Variants in AFF3 observed in about 807,000 individuals in gnomAD.
AFF3 encodes ALF transcription elongation factor 3.
AFF3 carries 32 observed loss-of-function variants against 129.7 expected under a neutral mutation model. The ratio of observed to expected loss-of-function variants is 0.25; its 90% CI spans 0.19 to 0.33. The LOEUF (loss-of-function observed/expected upper bound fraction) is 0.33, where lower values mean the gene tolerates loss of function less well. AFF3 is among the 10% of genes least tolerant of loss of function. The probability of loss-of-function intolerance (pLI) is 1.00; values close to 1 mark genes in which losing one functional copy is unlikely to be tolerated. For missense variants in AFF3, 1,373 were observed against 1,592.0 expected, an observed-to-expected ratio of 0.86 and a Z score of 2.34; for synonymous variants, 644 against 635.4, an observed-to-expected ratio of 1.01 and a Z score of -0.20.
chr2:99,606,049 T>A (rs1216452280), intron 13 of AFF3, among the ~76,000 whole-genome samples: 1 of 152,148 alleles, frequency 6.6e-6, no homozygotes, highest in Non-Finnish European at 1.5e-5. Context: ...GTTGTCATGT[T>A]TACATACCAA....
intron 13 of AFF3, among the ~76,000 whole-genome samples, chr2:99,617,193 CT>C (rs1333895838): frequency 6.6e-6 from 1 of 152,190 alleles, no homozygotes; most frequent in Non-Finnish European, 1.5e-5. Context: ...TTGCTGGGTC[CT>C]TTGTTAACTC....
intron 11 of AFF3, among the ~76,000 whole-genome samples, chr2:99,713,994 C>T (rs1172249076): frequency 6.6e-6 from 1 of 152,184 alleles, no homozygotes; most frequent in Non-Finnish European, 1.5e-5. Flanking sequence ...AGCCACCATG[C>T]CCAGCCAGAC....
At chr2:100,059,082 A>C (rs181248782) in intron 4 of AFF3, among the ~76,000 whole-genome samples, 5,356 of 151,856 alleles carry the variant, frequency 0.035, 316 homozygotes, top group African/African-American at 0.12. Flanking sequence ...GTGAAACCCC[A>C]TCTCTATTAA....
At chr2:99,742,136 G>A (rs906277897) in intron 10 of AFF3, among the ~76,000 whole-genome samples, 25 of 152,222 alleles carry the variant, frequency 1.6e-4, no homozygotes, top group African/African-American at 5.3e-4. Flanking sequence ...CAAGAGGACC[G>A]CTTGAGGCCA....
At chr2:100,032,694 C>A (rs1376602414) in intron 4 of AFF3, among the ~76,000 whole-genome samples, 1 of 152,174 alleles carries the variant, frequency 6.6e-6, no homozygotes, top group Non-Finnish European at 1.5e-5. Flanking sequence ...TATTTTCCCA[C>A]TGCTCCGCGG....
At chr2:99,708,667 T>C (rs1197065558) in intron 11 of AFF3, among the ~76,000 whole-genome samples, 1 of 152,186 alleles carries the variant, frequency 6.6e-6, no homozygotes, top group South Asian at 2.1e-4. Flanking sequence ...GAAAACCCAA[T>C]AGAATTCACA....
chr2:99,715,084 T>C (rs1157852369), intron 11 of AFF3, among the ~76,000 whole-genome samples: 7 of 152,214 alleles, frequency 4.6e-5, no homozygotes, highest in African/African-American at 1.7e-4. Context: ...TCCTTCACTC[T>C]GGGGAGAGGT....
At chr2:99,565,108 G>A (rs142589514) in intron 20 of AFF3, among the ~76,000 whole-genome samples, 9 of 151,900 alleles carry the variant, frequency 5.9e-5, no homozygotes, top group Non-Finnish European at 1.2e-4. Context: ...TACTCCAGAA[G>A]TATTTACTGA....
In AFF3 at chr2:99,601,629, C is replaced by T. The variant is rs1388179111; in HGVS notation, c.1185-8G>A. 1 of 1,585,708 alleles carries T rather than the reference C, an allele frequency of 6.3e-7. No individual in the cohort carries two copies. Among genetic ancestry groups the T allele is most frequent in the East Asian group, 2.2e-5 (1 of 44,486 alleles). On this transcript the variant is annotated splice_region_variant and splice_polypyrimidine_tract_variant and intron_variant, in intron 13 of 24. Coordinates refer to ENST00000672756, the MANE Select transcript of AFF3 (RefSeq NM_001386135.1). The stretch of plus-strand genomic sequence containing the variant: ...GGCTGCTGGACCACGGCGCTGCCAG[C>T]CCGCGAGGCCCCCGGGAAGCAGAGG...
intron 7 of AFF3, among the ~76,000 whole-genome samples, chr2:99,931,786 G>A (rs898791100): frequency 5.9e-5 from 9 of 152,150 alleles, no homozygotes; most frequent in African/African-American, 2.2e-4. Flanking sequence ...GCGGGTTCCT[G>A]TAATCCCAGC....
At chr2:99,749,584 T>C (rs1319585955) in intron 9 of AFF3, among the ~76,000 whole-genome samples, 1 of 152,210 alleles carries the variant, frequency 6.6e-6, no homozygotes, top group Non-Finnish European at 1.5e-5. Flanking sequence ...CATTTTATTC[T>C]AAGGATGGCA....
chr2:99,636,660 C>T (rs1407925307), intron 13 of AFF3, among the ~76,000 whole-genome samples: 2 of 152,234 alleles, frequency 1.3e-5, no homozygotes, highest in African/African-American at 2.4e-5. Context: ...TGCTGCCTGG[C>T]GAGGGCAGAG....
intron 11 of AFF3, among the ~76,000 whole-genome samples, chr2:99,689,942 C>T (rs924997029): frequency 6.6e-6 from 1 of 150,504 alleles, no homozygotes; most frequent in South Asian, 2.1e-4. Context: ...CAAAAATTAG[C>T]TGGGCATGAT....
chr2:100,043,569 A>T (rs1219550189), intron 4 of AFF3, among the ~76,000 whole-genome samples: 1 of 152,212 alleles, frequency 6.6e-6, no homozygotes, highest in East Asian at 1.9e-4. Context: ...AAGAAATTGA[A>T]CATAGATGAA....
intron 4 of AFF3, among the ~76,000 whole-genome samples, chr2:100,045,306 G>A (rs538036307): frequency 1.4e-3 from 215 of 152,268 alleles, no homozygotes; most frequent in Non-Finnish European, 1.8e-3. Context: ...ATGTTCACCG[G>A]CGCTCTTTTC....
intron 4 of AFF3, among the ~76,000 whole-genome samples, chr2:100,073,345 C>T (rs1165291341): frequency 6.6e-6 from 1 of 152,182 alleles, no homozygotes; most frequent in African/African-American, 2.4e-5. Flanking sequence ...TCGGGTGATA[C>T]ATCCACAAGC....
At chr2:99,572,116 A>G (rs559241943) in intron 18 of AFF3, among the ~76,000 whole-genome samples, 2 of 152,302 alleles carry the variant, frequency 1.3e-5, no homozygotes, top group Non-Finnish European at 2.9e-5. Flanking sequence ...AAGTTTAATT[A>G]AACACCATAA....
At chr2:99,557,170 C>G (rs2104527520) in intron 22 of AFF3, among the ~76,000 whole-genome samples, 1 of 152,022 alleles carries the variant, frequency 6.6e-6, no homozygotes, top group African/African-American at 2.4e-5. Flanking sequence ...TACATAAGTA[C>G]ACGCAATTTG....
chr2:99,704,814 A>G (rs1415055605), intron 11 of AFF3, among the ~76,000 whole-genome samples: 1 of 152,204 alleles, frequency 6.6e-6, no homozygotes, highest in Non-Finnish European at 1.5e-5. Context: ...TGTACCTTAC[A>G]GGAACAAGAA....
Sources: allele counts gnomAD v4.1 joint callset (sites outside exome capture counted in the v4.1 genomes callset), GRCh38; gene constraint gnomAD v4.1.1; transcripts MANE v1.5; gene names NCBI Gene and HGNC (gene_info 2026-07-23, HGNC 2026-07-21).